The following AHCYL2 variants were observed in gnomAD, a reference collection of about 807,000 sequenced individuals.
AHCYL2 encodes the protein S-adenosylhomocysteine hydrolase-like protein 2.
A neutral mutation model predicts 81.4 loss-of-function variants in AHCYL2; 28 were observed. That is an observed-to-expected ratio of 0.34 (90% CI 0.25 to 0.47). The LOEUF (loss-of-function observed/expected upper bound fraction) is 0.47. Ranked by LOEUF, AHCYL2 falls within the 20% of genes least tolerant of loss-of-function variation. The probability of loss-of-function intolerance (pLI) is 1.00; values close to 1 mark genes in which losing one functional copy is unlikely to be tolerated. For synonymous variants in AHCYL2, 272 were observed against 290.2 expected (o/e 0.94, Z 0.64); for missense variants, 551 against 785.1 (o/e 0.70, Z 3.56).
chr7:129,322,489 T>G lies in AHCYL2; in HGVS notation c.364-57149T>G, dbSNP rs531600943. Among the ~76,000 whole-genome samples, 3 of 152,298 alleles carry G rather than the reference T, an allele frequency of 2.0e-5. No individual in the cohort carries two copies. The East Asian group carries it at 5.8e-4, about 29-fold the overall frequency. On this transcript the variant is annotated intron_variant, in intron 1 of 16. Transcript: ENST00000325006. ...TATCTTTAATAAATATTTCTATATA[T>G]TCTATATTTATAGAGCTATTTAGAT...
At chr7:129,274,433 G>T (rs952566527) in intron 1 of AHCYL2, among the ~76,000 whole-genome samples, 2 of 152,170 alleles carry the variant, frequency 1.3e-5, no homozygotes, top group Non-Finnish European at 1.5e-5. Flanking sequence ...GAGGGTGAGT[G>T]TATTTTGCAT....
At chr7:129,342,727 T>C (rs34625300) in intron 1 of AHCYL2, among the ~76,000 whole-genome samples, 8,458 of 152,288 alleles carry the variant, frequency 0.056, 295 homozygotes, top group Non-Finnish European at 0.083. Context: ...AGAGCATTTA[T>C]TTTACATGTT....
chr7:129,397,129 T>A, intron 4 of AHCYL2, 93 bp from the exon 5 acceptor site: 1 of 1,076,108 alleles, frequency 9.3e-7, no homozygotes, highest in Non-Finnish European at 1.4e-6. Flanking sequence ...GTCATTCCCG[T>A]TGTATTTTCT....
At chr7:129,323,893 C>CA (rs1478015757) in intron 1 of AHCYL2, among the ~76,000 whole-genome samples, 1 of 116,370 alleles carries the variant, frequency 8.6e-6, no homozygotes, top group Admixed American at 1.0e-4. Flanking sequence ...TTTTTTTTGA[C>CA]AGAGTCTCAC....
At position 129,429,870 on chromosome 7, in the gene AHCYL2, G is replaced by T. The variant is rs148313959; in HGVS notation, c.*2825G>T. Reference sequence around the variant, plus strand: ...AAACAGATCTGATATTGCTGCTCCTGTGGTTTTCTCAAAATTAACTTTGCC... The same window carrying T: ...AAACAGATCTGATATTGCTGCTCCTTTGGTTTTCTCAAAATTAACTTTGCC... On this transcript the variant is annotated 3_prime_UTR_variant, in exon 17 of 17. Transcript: ENST00000325006. 1,063 of 152,624 alleles carry T rather than the reference G, an allele frequency of 7.0e-3. 28 individuals carry two copies. The highest frequency in any genetic ancestry group is 0.045 in the Admixed American group (691 of 15,290). The allele number at this position is 152,624 out of a possible 1,614,324, so 9.5% of individuals were successfully genotyped here.
intron 1 of AHCYL2, among the ~76,000 whole-genome samples, chr7:129,305,681 C>T (rs1797416021): frequency 6.6e-6 from 1 of 152,156 alleles, no homozygotes; most frequent in Admixed American, 6.6e-5. Flanking sequence ...TGTACTATTA[C>T]CAGTGAGTTT....
At chr7:129,375,579 G>C in intron 1 of AHCYL2, 1 of 1,250,326 alleles carries the variant, frequency 8.0e-7, no homozygotes, top group Non-Finnish European at 1.0e-6. Flanking sequence ...AGAGGTCAGA[G>C]GATCCATGTA....
chr7:129,413,013 A>AT (rs1175426132), intron 11 of AHCYL2, among the ~76,000 whole-genome samples: 5 of 145,368 alleles, frequency 3.4e-5, no homozygotes, highest in South Asian at 2.2e-4. Context: ...TTATTTTTGT[A>AT]TTTTTTTTGT....
intron 1 of AHCYL2, among the ~76,000 whole-genome samples, chr7:129,317,167 A>G (rs1332264239): frequency 1.3e-5 from 2 of 152,194 alleles, no homozygotes; most frequent in Admixed American, 1.3e-4. Context: ...GATTTTTTTA[A>G]AAAGCTTATA....
chr7:129,290,500 CAAAA>C (rs76196258), intron 1 of AHCYL2, among the ~76,000 whole-genome samples: 1 of 61,526 alleles, frequency 1.6e-5, no homozygotes, highest in African/African-American at 6.1e-5. Flanking sequence ...GACTCTGTCT[CAAAA>C]AAAAAAAAAA....
At chr7:129,313,726 G>A (rs988268278) in intron 1 of AHCYL2, among the ~76,000 whole-genome samples, 3 of 152,082 alleles carry the variant, frequency 2.0e-5, no homozygotes, top group African/African-American at 2.4e-5. Context: ...AAATAGAATG[G>A]GATATTGATA....
At chr7:129,236,326 G>A (rs934483167) in intron 1 of AHCYL2, among the ~76,000 whole-genome samples, 5 of 150,964 alleles carry the variant, frequency 3.3e-5, no homozygotes, top group Non-Finnish European at 4.4e-5. Flanking sequence ...TCAGCCTCCC[G>A]AGTAGCTGGG....
chr7:129,411,497 C>T (rs943373587), intron 11 of AHCYL2, among the ~76,000 whole-genome samples: 24 of 152,256 alleles, frequency 1.6e-4, no homozygotes, highest in African/African-American at 4.6e-4. Context: ...CGGTGGCTCA[C>T]GCCTGTAATC....
chr7:129,406,300 G>C lies in AHCYL2; in HGVS notation c.1207-78G>C. On this transcript the variant is annotated intron_variant, in intron 9 of 16. Coordinates refer to ENST00000325006, the MANE Select transcript of AHCYL2 (RefSeq NM_015328.4). The surrounding 1 kb of genome is among the most constrained non-coding windows in gnomAD (Gnocchi z 4.3). ...ATTCCTCTCGGGGGTGGAAAGAGGG[G>C]GTGCACTTTACCAGAAGCTTTGAGA... is the stretch of plus-strand genomic sequence containing the variant. 7.8e-7 allele frequency: 1 copy of C among 1,275,952 alleles called. No individual in the cohort carries two copies. The highest frequency in any genetic ancestry group is 1.7e-5 in the Admixed American group (1 of 57,204). 79.0% of individuals were successfully genotyped at this position (1,275,952 alleles called of 1,614,324 possible). A position where few individuals can be genotyped will look rare whatever the true frequency, so the allele number is the denominator to read the frequency against.
At position 129,403,473 on chromosome 7, in the gene AHCYL2, C is replaced by T; in HGVS notation, c.1013C>T (p.Thr338Ile). Residue 338 changes from threonine to isoleucine, a missense_variant, in exon 7 of 17, where the codon ACT becomes ATT. By Grantham distance (89) the Thr-to-Ile change is moderately conservative (BLOSUM62 -1). Coordinates refer to ENST00000325006, the MANE Select transcript of AHCYL2 (RefSeq NM_015328.4). ...AAGGGCATAGTAGAGGAGAGTGTTACTGGAGTTCACAGGTAAGATTTGACA... is the reference window on the plus strand; with the variant it reads ...AAGGGCATAGTAGAGGAGAGTGTTATTGGAGTTCACAGGTAAGATTTGACA... ...KIKGIVEESVTGVHRLYQLSK... is the reference protein window; with the variant it reads ...KIKGIVEESVIGVHRLYQLSK... The T allele has an allele frequency of 6.2e-7, 1 of 1,604,900 alleles. No homozygotes were observed. Among genetic ancestry groups the T allele is most frequent in the South Asian group, 1.1e-5 (1 of 89,808 alleles).
intron 1 of AHCYL2, among the ~76,000 whole-genome samples, chr7:129,307,973 C>G (rs1797504486): frequency 6.6e-6 from 1 of 151,740 alleles, no homozygotes; most frequent in African/African-American, 2.4e-5. Context: ...ACAACATCCT[C>G]TTTACTCTTC....
chr7:129,330,622 C>G (rs1053359328), intron 1 of AHCYL2, among the ~76,000 whole-genome samples: 1 of 152,124 alleles, frequency 6.6e-6, no homozygotes, highest in African/African-American at 2.4e-5. Context: ...AGGCGCCCAC[C>G]ACCACGCCCG....
chr7:129,348,890 T>G (rs1793453897), intron 1 of AHCYL2, among the ~76,000 whole-genome samples: 1 of 152,184 alleles, frequency 6.6e-6, no homozygotes, highest in Non-Finnish European at 1.5e-5. Flanking sequence ...GTCTGTGACT[T>G]TAATCAGATT....
At chr7:129,306,232 T>C (rs1369680295) in intron 1 of AHCYL2, among the ~76,000 whole-genome samples, 2 of 152,210 alleles carry the variant, frequency 1.3e-5, no homozygotes, top group Non-Finnish European at 2.9e-5. Flanking sequence ...ATATTTGCCC[T>C]TTTGAGGCTA....
Sources: gnomAD v4.1 joint callset for allele counts (sites outside exome capture counted in the v4.1 genomes callset) on GRCh38, gnomAD v4.1.1 for gene constraint, Gnocchi (gnomAD v3.1) non-coding constraint, MANE v1.5 for transcripts, NCBI Gene and HGNC (gene_info 2026-07-23, HGNC 2026-07-21) for gene names.